SORCS2: variants seen among roughly 807,000 people sequenced by gnomAD.
SORCS2 encodes the protein VPS10 domain-containing receptor SorCS2.
A neutral mutation model predicts 141.6 loss-of-function variants in SORCS2; 100 were observed. The ratio of observed to expected loss-of-function variants is 0.71; its 90% CI spans 0.60 to 0.83. The LOEUF is 0.83. Ranked by LOEUF, SORCS2 falls within the 40% of genes least tolerant of loss-of-function variation. SORCS2 has a pLI of 0.00. For missense variants in SORCS2, 1,646 were observed against 1,560.2 expected (o/e 1.05, Z -0.93); for synonymous variants, 789 against 676.9 (o/e 1.17, Z -2.57).
At chr4:7,210,300 T>G (rs1727986975) in intron 1 of SORCS2, among the ~76,000 whole-genome samples, 1 of 152,176 alleles carries the variant, frequency 6.6e-6, no homozygotes, top group African/African-American at 2.4e-5. Flanking sequence ...TTATTTAAAA[T>G]AGAGGCGGGG....
At chr4:7,329,543 C>T (rs1719507142) in intron 1 of SORCS2, among the ~76,000 whole-genome samples, 1 of 152,178 alleles carries the variant, frequency 6.6e-6, no homozygotes, top group Non-Finnish European at 1.5e-5. Flanking sequence ...GGGGGAGAGG[C>T]CTCTTCATGG....
chr4:7,647,485 G>A (rs1308610517), intron 4 of SORCS2, among the ~76,000 whole-genome samples: 5 of 152,150 alleles, frequency 3.3e-5, no homozygotes, highest in South Asian at 2.1e-4. Context: ...CCGTGGAGGC[G>A]GGACACCTTT....
chr4:7,478,430 G>A (rs752544589), intron 2 of SORCS2, among the ~76,000 whole-genome samples: 3 of 148,676 alleles, frequency 2.0e-5, no homozygotes, highest in Admixed American at 6.7e-5. Flanking sequence ...GTCCCCACCC[G>A]TACCTCAGCT....
chr4:7,528,107 C>T (rs1208064376), intron 2 of SORCS2, among the ~76,000 whole-genome samples: 14 of 100,804 alleles, frequency 1.4e-4, no homozygotes, highest in African/African-American at 4.3e-4. Flanking sequence ...TAGCAGGGCA[C>T]AGTGTCCACG....
intron 3 of SORCS2, among the ~76,000 whole-genome samples, chr4:7,630,239 AG>A (rs1719798885): frequency 6.6e-6 from 1 of 152,108 alleles, no homozygotes; most frequent in Non-Finnish European, 1.5e-5. Flanking sequence ...TCCACAGGTG[AG>A]GCTGGGAGTG....
intron 3 of SORCS2, among the ~76,000 whole-genome samples, chr4:7,558,158 G>T (rs1430153251): frequency 6.6e-6 from 1 of 152,170 alleles, no homozygotes; most frequent in Non-Finnish European, 1.5e-5. Flanking sequence ...AGTGGCCAAG[G>T]TGTCCAGAAA....
At chr4:7,574,794 A>G (rs954918710) in intron 3 of SORCS2, among the ~76,000 whole-genome samples, 1 of 152,204 alleles carries the variant, frequency 6.6e-6, no homozygotes, top group African/African-American at 2.4e-5. Context: ...TGCCTCATTC[A>G]TCTGAAAGAT....
At chr4:7,358,997 CTCGGCTAA>C (rs1043361405) in intron 1 of SORCS2, among the ~76,000 whole-genome samples, 12 of 152,318 alleles carry the variant, frequency 7.9e-5, no homozygotes, top group African/African-American at 2.6e-4. Context: ...TACCACAACA[CTCGGCTAA>C]TCAAAAAAAT....
At chr4:7,450,009 G>C (rs1728337741) in intron 2 of SORCS2, among the ~76,000 whole-genome samples, 2 of 152,210 alleles carry the variant, frequency 1.3e-5, no homozygotes, top group African/African-American at 4.8e-5. Context: ...GGGCCCCTGG[G>C]ACACGTGGGG....
chr4:7,377,184 C>T (rs530140343), intron 1 of SORCS2, among the ~76,000 whole-genome samples: 6 of 151,920 alleles, frequency 3.9e-5, no homozygotes, highest in Non-Finnish European at 8.8e-5. Context: ...TTTTTTCCTC[C>T]GGATTTGTAT....
intron 2 of SORCS2, among the ~76,000 whole-genome samples, chr4:7,529,453 G>C (rs1269107248): frequency 6.6e-6 from 1 of 152,224 alleles, no homozygotes; most frequent in East Asian, 1.9e-4. Flanking sequence ...CCTAGCTGCA[G>C]GCCACTCCTG....
Position 7,535,968 on chromosome 4 carries a change from TCTAA to T in SORCS2, c.648+4345_648+4348del, listed in dbSNP as rs1317435089. ...TGGGAACCGGGGCAGCGATTTGTTA[TCTAA>T]CTAACAGGGCGGCATATGTTTCCCT... On this transcript the variant is annotated intron_variant, in intron 3 of 26. Transcript: ENST00000507866. Among the ~76,000 whole-genome samples, 3 of 152,238 alleles carry T rather than the reference TCTAA, an allele frequency of 2.0e-5. No homozygotes were observed. In the South Asian group the frequency reaches 6.2e-4, roughly 31 times the overall value.
At chr4:7,712,154 C>T (rs148956529) in intron 14 of SORCS2, among the ~76,000 whole-genome samples, 209 of 152,348 alleles carry the variant, frequency 1.4e-3, no homozygotes, top group Non-Finnish European at 2.6e-3. Flanking sequence ...GACGGGCCAA[C>T]CTTGCTCATC....
intron 18 of SORCS2, among the ~76,000 whole-genome samples, chr4:7,723,285 T>C (rs896823184): frequency 6.6e-6 from 1 of 152,114 alleles, no homozygotes; most frequent in Non-Finnish European, 1.5e-5. Context: ...TCCAGATGTG[T>C]TCCTCTCCCC....
chr4:7,256,055 G>T lies in SORCS2; in HGVS notation c.480+62929G>T, dbSNP rs145545006. 3.3e-4 allele frequency among the ~76,000 whole-genome samples: 50 copies of T among 152,294 alleles called. No homozygotes were observed. In the East Asian group the frequency reaches 9.3e-3, roughly 28 times the overall value. The stretch of plus-strand genomic sequence containing the variant: ...GCCCCACTGGGGCTGGCCTTGCTGG[G>T]CAGGTCGTGCTGTCTCTCCAGGTCT... On this transcript the variant is annotated intron_variant, in intron 1 of 26. Transcript: ENST00000507866.
chr4:7,675,948 C>T, intron 8 of SORCS2, 102 bp from the exon 9 acceptor site: 2 of 1,352,958 alleles, frequency 1.5e-6, no homozygotes, highest in Non-Finnish European at 2.0e-6. Context: ...CCAGGAGAGC[C>T]AGGGGTCTTC....
Position 7,398,503 on chromosome 4 carries a change from C to G in SORCS2, c.548+2148C>G, listed in dbSNP as rs1161432743. Among the ~76,000 whole-genome samples, 8 of 152,224 alleles carry G rather than the reference C, an allele frequency of 5.3e-5. No individual in the cohort carries two copies. In the South Asian group the frequency reaches 1.0e-3, roughly 20 times the overall value. On this transcript the variant is annotated intron_variant, in intron 2 of 26. Coordinates refer to ENST00000507866, the MANE Select transcript of SORCS2 (RefSeq NM_020777.3). Reference sequence around the variant, plus strand: ...CCGTGTTCCCTTCTCATCACTGTCTCTATACCCAGATGTTTCTTCGCCTTT... The same window carrying G: ...CCGTGTTCCCTTCTCATCACTGTCTGTATACCCAGATGTTTCTTCGCCTTT...
intron 4 of SORCS2, among the ~76,000 whole-genome samples, chr4:7,646,995 G>C (rs988255827): frequency 6.6e-6 from 1 of 152,148 alleles, no homozygotes; most frequent in African/African-American, 2.4e-5. Context: ...CAACCACTCA[G>C]GGCCTCGTCT....
chr4:7,296,635 C>T (rs1443858609), intron 1 of SORCS2, among the ~76,000 whole-genome samples: 1 of 152,232 alleles, frequency 6.6e-6, no homozygotes, highest in Non-Finnish European at 1.5e-5. Flanking sequence ...TTGCTCCAAG[C>T]CCCAGTTTTC....
Sources: gnomAD v4.1 joint callset for allele counts (sites outside exome capture counted in the v4.1 genomes callset) on GRCh38, gnomAD v4.1.1 for gene constraint, MANE v1.5 for transcripts, NCBI Gene and HGNC (gene_info 2026-07-23, HGNC 2026-07-21) for gene names.